Variants in PLEC observed in about 807,000 individuals in gnomAD.
PLEC encodes the protein hemidesmosomal protein 1.
In PLEC, 216 loss-of-function variants were observed where a neutral mutation model predicts 392.8. That is an observed-to-expected ratio of 0.55 (90% confidence interval 0.49 to 0.62). The LOEUF (loss-of-function observed/expected upper bound fraction) is 0.62. PLEC is among the 20% of genes least tolerant of loss of function. PLEC has a pLI of 0.00. For missense variants in PLEC, 6,863 were observed against 6,563.4 expected (o/e 1.05, Z -1.58); for synonymous variants, 3,621 against 2,980.6 (o/e 1.21, Z -7.00).
upstream of PLEC, chr8:143,953,699 G>A (rs1554738114): frequency 1.2e-6 from 2 of 1,605,966 alleles, no homozygotes; most frequent in Non-Finnish European, 1.7e-6. Flanking sequence ...CGCGCCCCCC[G>A]GCTCGGGCCC....
Position 143,930,221 on chromosome 8 carries a change from G to A in PLEC, c.2535C>T (p.Ser845=), listed in dbSNP as rs199721954. 9.3e-5 allele frequency: 148 copies of A among 1,588,482 alleles called. No individual in the cohort carries two copies. In the East Asian group the frequency reaches 2.7e-3, roughly 28 times the overall value. The change falls in exon 21 of 32, where the codon TCC becomes TCT. Residue 845 remains serine, a synonymous_variant. Coordinates refer to ENST00000345136, the MANE Select transcript of PLEC (RefSeq NM_201384.3). ...CGGAGGGCACGGCGGCCTCGCTGCCGGAGCTGCTGAGCACCTTCCAGTGGG... is the reference window on the plus strand; with the variant it reads ...CGGAGGGCACGGCGGCCTCGCTGCCAGAGCTGCTGAGCACCTTCCAGTGGG... ...QPSHWKVLSS[S]GSEAAVPSVC...
At position 143,916,364 on chromosome 8, in the gene PLEC, G is replaced by A; in HGVS notation, c.13457C>T (p.Thr4486Ile). ...SPYSVSGSGS[T>I]AGSRTGSRTG... is the part of the protein sequence containing the mutation. ...GCGCGAGCCGGTGCGGGAGCCAGCG[G>A]TAGAGCCGGAGCCGCTGACGCTGTA... is the stretch of plus-strand genomic sequence containing the variant. The change falls in exon 32 of 32, where the codon ACC (threonine) becomes ATC (isoleucine). Residue 4486 changes from threonine (T) to isoleucine (I), a missense_variant. Coordinates refer to ENST00000345136, the MANE Select transcript of PLEC (RefSeq NM_201384.3). The A allele has an allele frequency of 6.2e-7, 1 of 1,607,722 alleles. No homozygotes were observed. The highest frequency in any genetic ancestry group is 1.7e-4 in the Middle Eastern group (1 of 5,896).
chr8:143,934,014 T>A lies in PLEC; in HGVS notation c.1247A>T (p.Asp416Val), dbSNP rs782459654. 9 of 1,607,064 alleles carry A rather than the reference T, an allele frequency of 5.6e-6. No homozygotes were observed. The South Asian group carries it at 8.8e-5, about 16-fold the overall frequency. Reference sequence around the variant, plus strand: ...CCCCCTCACCGACTGCAGCAGGGCGTCGGCCTGGTTCAGCTGCTCCTCACA... The same window carrying A: ...CCCCCTCACCGACTGCAGCAGGGCGACGGCCTGGTTCAGCTGCTCCTCACA... ...GLCEEQLNQA[D>V]ALLQSDVRLL... Residue 416 changes from aspartate (D) to valine (V), a missense_variant, in exon 12 of 32, where the codon GAC becomes GTC. By Grantham distance (152) the Asp-to-Val change is radical. Coordinates refer to ENST00000345136, the MANE Select transcript of PLEC (RefSeq NM_201384.3).
upstream of PLEC, chr8:143,953,980 C>T (rs1025181624): frequency 2.0e-5 from 25 of 1,274,068 alleles, no homozygotes; most frequent in Admixed American, 3.7e-5. Context: ...CCCTCCCCCC[C>T]AGCCTGTGGT....
chr8:143,924,630 G>C lies in PLEC; in HGVS notation c.5299C>G (p.Leu1767Val). ...TCAGCCCTCGCCTTGCTGGCCAGCA[G>C]CACCTCCATCTCGGCCCGCACCTTG... Reference protein sequence around the residue: ...LAKVRAEMEVLLASKARAEEE... With the variant: ...LAKVRAEMEVVLASKARAEEE... Residue 1767 changes from leucine (L) to valine (V), a missense_variant, in exon 31 of 32, where the codon CTG (leucine) becomes GTG (valine). By Grantham distance (32) the Leu-to-Val change is conservative. Transcript: ENST00000345136. 1 of 1,539,284 alleles carries C rather than the reference G, an allele frequency of 6.5e-7. No individual in the cohort carries two copies. The highest frequency in any genetic ancestry group is 8.7e-7 in the Non-Finnish European group (1 of 1,148,812).
rs1554683458 is a variant in PLEC, at chr8:143,920,926, C to T, written c.8895G>A (p.Glu2965=). 1.9e-6 allele frequency: 3 copies of T among 1,612,790 alleles called. No homozygotes were observed. Among genetic ancestry groups the T allele is most frequent in the South Asian group, 1.1e-5 (1 of 91,088 alleles). ...IIKIIITVVE[E]QEQKGRLCFE... ...AGCAAAGCCGGCCCTTCTGCTCCTGCTCCTCCACCACCGTGATGATGATCT... is the reference window on the plus strand; with the variant it reads ...AGCAAAGCCGGCCCTTCTGCTCCTGTTCCTCCACCACCGTGATGATGATCT... Residue 2965 remains glutamate (E), a synonymous_variant, in exon 32 of 32, where the codon GAG becomes GAA. Coordinates refer to ENST00000345136, the MANE Select transcript of PLEC (RefSeq NM_201384.3).
upstream of PLEC, among the ~76,000 whole-genome samples, chr8:143,952,200 ACACACACACGCG>A (rs1394273404): frequency 8.0e-6 from 1 of 125,700 alleles, no homozygotes; most frequent in African/African-American, 3.5e-5. Flanking sequence ...ACACACACAC[ACACACACACGCG>A]CGCACACACG....
upstream of PLEC, among the ~76,000 whole-genome samples, chr8:143,939,781 C>T (rs4073082): frequency 0.3 from 44,905 of 152,070 alleles, 7,915 homozygotes; most frequent in Non-Finnish European, 0.39. Context: ...TCCTCACCCA[C>T]CCCGACCACT....
chr8:143,970,479 C>T (rs1554743889), intron 1 of PLEC, among the ~76,000 whole-genome samples: 1 of 152,096 alleles, frequency 6.6e-6, no homozygotes, highest in East Asian at 1.9e-4. Flanking sequence ...GAGCCACTGG[C>T]TTTTCATGTC....
chr8:143,969,401 G>C lies in PLEC; in HGVS notation c.70+4002C>G, dbSNP rs1164243862. ...GGAGAGCTCTGGGCACCCTATGGGA[G>C]AGGCCTCCGTGCTGAGGGCTGTGGG... On this transcript the variant is annotated intron_variant, in intron 1 of 31. Coordinates refer to the PLEC transcript ENST00000356346. This position sits in a 1 kb window ranked among gnomAD's most constrained non-coding sequence, Gnocchi z 5.1. Among the ~76,000 whole-genome samples the C allele has an allele frequency of 6.6e-6, 1 of 152,226 alleles. No individual in the cohort carries two copies. Among genetic ancestry groups the C allele is most frequent in the African/African-American group, 2.4e-5 (1 of 41,466 alleles).
chr8:143,930,903 C>G (rs955623895), intron 19 of PLEC, among the ~76,000 whole-genome samples: 1 of 152,184 alleles, frequency 6.6e-6, no homozygotes, highest in African/African-American at 2.4e-5. Flanking sequence ...ACGGCACACA[C>G]CTGGGAGCTG....
chr8:143,971,684 G>A (rs955267743), intron 1 of PLEC, among the ~76,000 whole-genome samples: 5 of 152,158 alleles, frequency 3.3e-5, no homozygotes, highest in African/African-American at 9.7e-5. Context: ...GTGTGCTCAC[G>A]GAGCCTCAGC....
Position 143,939,354 on chromosome 8 carries a change from C to T in PLEC, c.108G>A (p.Lys36=). 4 of 1,611,730 alleles carry T rather than the reference C, an allele frequency of 2.5e-6. No homozygotes were observed. The highest frequency in any genetic ancestry group is 3.3e-5 in the Admixed American group (2 of 59,908). The change falls in exon 1 of 32, where the codon AAG becomes AAA. Residue 36 remains lysine, a synonymous_variant. Coordinates refer to ENST00000345136, the MANE Select transcript of PLEC (RefSeq NM_201384.3). The part of the protein sequence containing the change: ...YLAVLRASEG[K]KDERDRVQKK... ...GCCCGAGGGGAGCCCTGCTACCTTT[C>T]TTGCCCTCAGAGGCCCTGAGCACAG... is the stretch of plus-strand genomic sequence containing the variant.
At chr8:143,938,782 GC>G in intron 1 of PLEC, 90 bp from the exon 2 acceptor site, 1 of 1,119,874 alleles carries the variant, frequency 8.9e-7, no homozygotes, top group Non-Finnish European at 1.4e-6. Flanking sequence ...AGCCTGGCTG[GC>G]CAGGTCCTGC....
At chr8:143,936,100 T>C in intron 5 of PLEC, 86 bp from the exon 6 acceptor site, 1 of 1,488,892 alleles carries the variant, frequency 6.7e-7, no homozygotes, top group South Asian at 1.1e-5. Flanking sequence ...GGGGCAGGGG[T>C]AGCTCAGCAC....
At chr8:143,954,128 CA>C (rs1564217360), upstream of PLEC, among the ~76,000 whole-genome samples, 1 of 151,884 alleles carries the variant, frequency 6.6e-6, no homozygotes, top group African/African-American at 2.4e-5. This position sits in a 1 kb window ranked among gnomAD's most constrained non-coding sequence, Gnocchi z 4.6. Flanking sequence ...TGCAACGAGC[CA>C]TGCTTAGAAC....
chr8:143,951,669 T>C (rs1475951584), upstream of PLEC, among the ~76,000 whole-genome samples: 4 of 152,044 alleles, frequency 2.6e-5, no homozygotes, highest in Admixed American at 1.3e-4. Context: ...TCCCAGCCGC[T>C]GCCACAGAGA....
At chr8:143,971,356 G>T (rs190284468) in intron 1 of PLEC, among the ~76,000 whole-genome samples, 214 of 152,198 alleles carry the variant, frequency 1.4e-3, no homozygotes, top group African/African-American at 5.0e-3. Context: ...GCTGAGCTGG[G>T]CCCAGGACAG....
upstream of PLEC, chr8:143,975,140 G>A (rs782127006): frequency 1.9e-6 from 3 of 1,590,486 alleles, no homozygotes; most frequent in Non-Finnish European, 1.7e-6. This position sits in a 1 kb window ranked among gnomAD's most constrained non-coding sequence, Gnocchi z 9.9. Flanking sequence ...AACCTCGCGT[G>A]CCAAGGAGGT....
Sources: allele counts gnomAD v4.1 joint callset (sites outside exome capture counted in the v4.1 genomes callset), GRCh38; gene constraint gnomAD v4.1.1; non-coding constraint Gnocchi (gnomAD v3.1); transcripts MANE v1.5; gene names NCBI Gene and HGNC (gene_info 2026-07-23, HGNC 2026-07-21).